SVOP: variants seen among roughly 807,000 people sequenced by gnomAD.
The protein encoded by SVOP is synaptic vesicle 2-related protein.
A neutral mutation model predicts 69.1 loss-of-function variants in SVOP; 17 were observed. The observed-to-expected ratio is 0.25, with a 90% CI of 0.17 to 0.37. The LOEUF (loss-of-function observed/expected upper bound fraction) is 0.37, where lower values mean the gene tolerates loss of function less well. SVOP is among the 10% of genes least tolerant of loss of function. SVOP has a pLI of 1.00. For missense variants in SVOP, 435 were observed against 597.5 expected (o/e 0.73, Z 2.84); for synonymous variants, 238 against 238.6 (o/e 1.00, Z 0.02).
At chr12:108,997,752 T>C (rs1284375846) in intron 1 of SVOP, among the ~76,000 whole-genome samples, 1 of 151,648 alleles carries the variant, frequency 6.6e-6, no homozygotes, top group Non-Finnish European at 1.5e-5. Flanking sequence ...CTGAGGGTCC[T>C]GTCTGTTAGA....
At chr12:109,002,642 G>A (rs1428426358) in intron 1 of SVOP, among the ~76,000 whole-genome samples, 1 of 151,760 alleles carries the variant, frequency 6.6e-6, no homozygotes, top group Non-Finnish European at 1.5e-5. Context: ...AAAATGATGA[G>A]TTCATGTCCT....
chr12:108,921,506 C>A (rs775954605), intron 12 of SVOP, among the ~76,000 whole-genome samples: 2 of 151,808 alleles, frequency 1.3e-5, no homozygotes, highest in Admixed American at 1.3e-4. Flanking sequence ...CAAGCAGTTG[C>A]CCACTACTGT....
At chr12:108,977,336 C>A in intron 4 of SVOP, 62 bp downstream of exon 4, 1 of 1,512,718 alleles carries the variant, frequency 6.6e-7, no homozygotes, top group Non-Finnish European at 8.9e-7. Context: ...GGGAGATATC[C>A]CACAGGACAC....
chr12:108,978,389 A>C, intron 3 of SVOP, 189 bp downstream of exon 3: 1 of 532,034 alleles, frequency 1.9e-6, no homozygotes, highest in Non-Finnish European at 3.3e-6. Context: ...ACTGCCAAAC[A>C]CACCCAGCTC....
chr12:108,979,036 C>T (rs1040167218), intron 2 of SVOP, among the ~76,000 whole-genome samples: 3 of 152,060 alleles, frequency 2.0e-5, no homozygotes, highest in African/African-American at 7.2e-5. Context: ...AAAACAAGAT[C>T]GACAACAAGG....
chr12:108,926,369 G>C (rs2137394635), intron 11 of SVOP: 1 of 152,236 alleles, frequency 6.6e-6, no homozygotes, highest in African/African-American at 2.4e-5. Context: ...ACATGATTTT[G>C]TTCTTTTTTA....
At chr12:108,931,994 C>T (rs1044150108) in intron 11 of SVOP, among the ~76,000 whole-genome samples, 1 of 151,954 alleles carries the variant, frequency 6.6e-6, no homozygotes, top group African/African-American at 2.4e-5. Context: ...AGGGGATTTG[C>T]GATGATAATT....
At chr12:109,005,790 G>A (rs1221844267) in intron 1 of SVOP, among the ~76,000 whole-genome samples, 2 of 152,142 alleles carry the variant, frequency 1.3e-5, no homozygotes, top group African/African-American at 4.8e-5. Flanking sequence ...CACACAAATA[G>A]GGGAGGAGTA....
At chr12:108,926,668 T>C (rs1235427555) in intron 11 of SVOP, 1 of 152,276 alleles carries the variant, frequency 6.6e-6, no homozygotes, top group Admixed American at 6.5e-5. Context: ...CTAGTATTAA[T>C]ACATAGAAAT....
Position 108,918,089 on chromosome 12 carries a change from G to A in SVOP, c.1304C>T (p.Ala435Val), listed in dbSNP as rs1593175906. The A allele has an allele frequency of 5.1e-6, 8 of 1,580,584 alleles. No individual in the cohort carries two copies. The East Asian group carries it at 9.2e-5, about 18-fold the overall frequency. ...VLTLLLFIAR[A>V]FISGGFQAAY... Reference sequence around the variant, plus strand: ...CGCTTGAAAGCCTCCAGAAATAAACGCTCTTGCAATGAAGAGTAACAGAGT... The same window carrying A: ...CGCTTGAAAGCCTCCAGAAATAAACACTCTTGCAATGAAGAGTAACAGAGT... The change falls in exon 14 of 16, where the codon GCG becomes GTG. Residue 435 changes from alanine to valine, a missense_variant. Transcript: ENST00000610966.
At chr12:108,998,554 C>G (rs1439912433) in intron 1 of SVOP, among the ~76,000 whole-genome samples, 1 of 151,984 alleles carries the variant, frequency 6.6e-6, no homozygotes, top group East Asian at 1.9e-4. Flanking sequence ...TTAAGGGCAG[C>G]CTGAGAGAAA....
intron 5 of SVOP, among the ~76,000 whole-genome samples, chr12:108,963,169 T>C (rs887268360): frequency 1.7e-4 from 26 of 152,172 alleles, no homozygotes; most frequent in Admixed American, 5.2e-4. Flanking sequence ...CTTTCTGCAA[T>C]ACCCTTCCCA....
At chr12:108,957,980 G>T (rs1486914165) in intron 6 of SVOP, among the ~76,000 whole-genome samples, 1 of 152,236 alleles carries the variant, frequency 6.6e-6, no homozygotes, top group Non-Finnish European at 1.5e-5. Context: ...TAGGCGGGGT[G>T]AGCTGATTAC....
chr12:108,989,598 A>G (rs143570147), intron 1 of SVOP, among the ~76,000 whole-genome samples: 135,143 of 152,026 alleles, frequency 0.89, 61,194 homozygotes, highest in Non-Finnish European at 0.99. Context: ...CCTTGGCCAC[A>G]CCACCCCCAG....
chr12:108,914,837 C>T lies in SVOP; in HGVS notation c.1440+946G>A, dbSNP rs557328655. Among the ~76,000 whole-genome samples the T allele has an allele frequency of 2.8e-4, 42 of 150,786 alleles. 1 individual carries two copies. In the South Asian group the frequency reaches 8.7e-3, roughly 31 times the overall value. ...CCTCCTAAAGGGCTGGGATTACAGGCGTGAGACACAGCACCTGACCCTTCT... is the reference window on the plus strand; with the variant it reads ...CCTCCTAAAGGGCTGGGATTACAGGTGTGAGACACAGCACCTGACCCTTCT... On this transcript the variant is annotated intron_variant, in intron 15 of 15. Coordinates refer to ENST00000610966, the MANE Select transcript of SVOP (RefSeq NM_018711.5).
chr12:108,927,081 T>A (rs1020029301), intron 11 of SVOP, among the ~76,000 whole-genome samples: 2 of 152,186 alleles, frequency 1.3e-5, no homozygotes, highest in Admixed American at 6.5e-5. Flanking sequence ...AGCTCAGGGA[T>A]CTTCTCTTGT....
At chr12:108,925,100 G>A (rs2039772371) in intron 11 of SVOP, among the ~76,000 whole-genome samples, 1 of 151,932 alleles carries the variant, frequency 6.6e-6, no homozygotes, top group Admixed American at 6.6e-5. Context: ...CCAATTTCAG[G>A]GTCCAAACCA....
intron 6 of SVOP, among the ~76,000 whole-genome samples, chr12:108,960,234 C>T (rs919318260): frequency 4.6e-5 from 7 of 152,138 alleles, no homozygotes; most frequent in Non-Finnish European, 8.8e-5. Context: ...ATGGAGGGTG[C>T]GGTGTGTTCC....
chr12:108,995,716 C>A (rs1396583433), intron 1 of SVOP, among the ~76,000 whole-genome samples: 2 of 152,094 alleles, frequency 1.3e-5, no homozygotes, highest in Non-Finnish European at 2.9e-5. Flanking sequence ...GCCTGGCCAA[C>A]ATGGTGAAAC....
Sources: allele counts gnomAD v4.1 joint callset (sites outside exome capture counted in the v4.1 genomes callset), GRCh38; gene constraint gnomAD v4.1.1; transcripts MANE v1.5; gene names NCBI Gene and HGNC (gene_info 2026-07-23, HGNC 2026-07-21).